Variants in HEPACAM2 observed in about 807,000 individuals in gnomAD.
The protein encoded by HEPACAM2 is HEPACAM family member 2, also known as mitotic kinetics regulator.
A neutral mutation model predicts 49.6 loss-of-function variants in HEPACAM2; 49 were observed. That is an observed-to-expected ratio of 0.99 (90% CI 0.78 to 1.25). The LOEUF (loss-of-function observed/expected upper bound fraction) is 1.25, where lower values mean the gene tolerates loss of function less well. HEPACAM2 is among the 50% of genes most tolerant of loss of function. The pLI, the probability that HEPACAM2 is intolerant of heterozygous loss-of-function variation, is 0.00. For missense variants in HEPACAM2, 525 were observed against 557.2 expected (o/e 0.94, Z 0.58); for synonymous variants, 197 against 202.9 (o/e 0.97, Z 0.25).
intron 4 of HEPACAM2, among the ~76,000 whole-genome samples, chr7:93,199,653 A>G (rs978094828): frequency 3.3e-5 from 5 of 152,108 alleles, no homozygotes; most frequent in Non-Finnish European, 7.4e-5. Flanking sequence ...AGAGAAGTTT[A>G]CATGAAGTTA....
chr7:93,208,657 T>G lies in HEPACAM2; in HGVS notation c.935A>C (p.Asp312Ala). ...ASEKVAQKTMDYVCCAYNNIT... is the reference protein window; with the variant it reads ...ASEKVAQKTMAYVCCAYNNIT... ...GTTGTTGTAAGCACAGCACACATAG[T>G]CCATTGTCTTCTGGGCTACTTTCTC... The change falls in exon 4 of 10, where the codon GAC becomes GCC. Residue 312 changes from aspartate to alanine, a missense_variant. Coordinates refer to ENST00000394468, the MANE Select transcript of HEPACAM2 (RefSeq NM_001039372.4). 1.2e-6 allele frequency: 2 copies of G among 1,613,208 alleles called. No individual in the cohort carries two copies. The highest frequency in any genetic ancestry group is 8.5e-7 in the Non-Finnish European group (1 of 1,179,414).
chr7:93,196,638 C>T (rs6956577), intron 7 of HEPACAM2, among the ~76,000 whole-genome samples: 37,212 of 151,964 alleles, frequency 0.24, 6,850 homozygotes, highest in East Asian at 0.58. Flanking sequence ...GAGGAAGTTG[C>T]GGTTAAGAAA....
intron 1 of HEPACAM2, among the ~76,000 whole-genome samples, chr7:93,224,718 G>A (rs1451135613): frequency 6.6e-6 from 1 of 152,168 alleles, no homozygotes; most frequent in Non-Finnish European, 1.5e-5. Flanking sequence ...GACCTCTGCT[G>A]TAGCTCAAAA....
chr7:93,192,096 CA>C (rs1793563779), intron 9 of HEPACAM2, among the ~76,000 whole-genome samples, 157 bp downstream of exon 9: 1 of 152,058 alleles, frequency 6.6e-6, no homozygotes, highest in Non-Finnish European at 1.5e-5. Context: ...TTTTGTTTCT[CA>C]AAATTATGCT....
intron 3 of HEPACAM2, among the ~76,000 whole-genome samples, chr7:93,213,531 G>A (rs781514155): frequency 2.0e-5 from 3 of 152,036 alleles, no homozygotes; most frequent in Non-Finnish European, 4.4e-5. Flanking sequence ...TGAGAATTTA[G>A]CCTTTTTACA....
In HEPACAM2 at chr7:93,214,533, C is replaced by G. The variant is rs1417348369; in HGVS notation, c.715+868G>C. 1.3e-5 allele frequency among the ~76,000 whole-genome samples: 2 copies of G among 152,118 alleles called. 1 individual carries two copies. The highest frequency in any genetic ancestry group is 4.1e-4 in the South Asian group (2 of 4,832). ...TTAAAATAATGTAAAGAAGAAAGTT[C>G]AGTCTGTCAGCAAAAGATAGATTCT... On this transcript the variant is annotated intron_variant, in intron 3 of 9. Transcript: ENST00000394468.
rs756169046 is a variant in HEPACAM2 at position 93,192,359 on chromosome 7, G to T, written c.1280C>A (p.Pro427Gln). ...FPDVSGVSRI[P>Q]SRSVPASDCV... ...ATCAGAGGCTGGAACAGACCTGCTTGGGATCTAGAAAATGTGATACATTAA... is the reference window on the plus strand; with the variant it reads ...ATCAGAGGCTGGAACAGACCTGCTTTGGATCTAGAAAATGTGATACATTAA... The change falls in exon 9 of 10, where the codon CCA becomes CAA. Residue 427 changes from proline (P) to glutamine (Q), a missense_variant. Physicochemically the swap from Pro to Gln is moderately conservative, Grantham distance 76. Transcript: ENST00000394468. 2.5e-5 allele frequency: 41 copies of T among 1,609,242 alleles called. No homozygotes were observed. The highest frequency in any genetic ancestry group is 3.4e-5 in the Non-Finnish European group (40 of 1,176,702).
chr7:93,223,764 A>T (rs1794492751), intron 1 of HEPACAM2, among the ~76,000 whole-genome samples: 1 of 152,214 alleles, frequency 6.6e-6, no homozygotes, highest in South Asian at 2.1e-4. Flanking sequence ...AGTTATAAGA[A>T]TGTCAGCAGG....
the HEPACAM2 span, among the ~76,000 whole-genome samples, chr7:93,231,911 G>A: frequency 0.042 from 6,327 of 152,136 alleles, 170 homozygotes; most frequent in African/African-American, 0.064. Flanking sequence ...CGCGCCCGGG[G>A]TAGTCTCGAG....
At chr7:93,216,737 A>G (rs931403027) in intron 2 of HEPACAM2, among the ~76,000 whole-genome samples, 2 of 152,184 alleles carry the variant, frequency 1.3e-5, no homozygotes, top group African/African-American at 2.4e-5. Context: ...TGTATTTAAT[A>G]ATCTCCTTCT....
At position 93,192,374 on chromosome 7, in the gene HEPACAM2, T is replaced by G; in HGVS notation, c.1276-11A>C. The G allele has an allele frequency of 6.3e-7, 1 of 1,591,716 alleles. No individual in the cohort carries two copies. Among genetic ancestry groups the G allele is most frequent in the Non-Finnish European group, 8.6e-7 (1 of 1,162,070 alleles). Reference sequence around the variant, plus strand: ...AGACCTGCTTGGGATCTAGAAAATGTGATACATTAAAAATAAATTATCTCA... The same window carrying G: ...AGACCTGCTTGGGATCTAGAAAATGGGATACATTAAAAATAAATTATCTCA... On this transcript the variant is annotated splice_polypyrimidine_tract_variant and intron_variant, in intron 8 of 9. Transcript: ENST00000394468.
rs770059384 is a variant in HEPACAM2 at position 93,192,217 on chromosome 7, C to T, written c.1385+37G>A. ...GGAAAGCAAAAGCTAAATGCTTAGC[C>T]TCTCCATAGCACCATCAAATGCAGA... On this transcript the variant is annotated intron_variant, in intron 9 of 9. Coordinates refer to ENST00000394468, the MANE Select transcript of HEPACAM2 (RefSeq NM_001039372.4). 6.2e-6 allele frequency: 9 copies of T among 1,455,832 alleles called. No homozygotes were observed. The African/African-American group carries it at 1.3e-4, about 20-fold the overall frequency. 90.2% of individuals were successfully genotyped at this position (1,455,832 alleles called of 1,614,324 possible).
chr7:93,190,203 T>G (rs1474626064), intron 9 of HEPACAM2, among the ~76,000 whole-genome samples: 1 of 152,070 alleles, frequency 6.6e-6, no homozygotes, highest in African/African-American at 2.4e-5. Flanking sequence ...AGCATTTCAC[T>G]TATTTATTAA....
At chr7:93,207,536 G>A (rs1420303184) in intron 4 of HEPACAM2, among the ~76,000 whole-genome samples, 4 of 151,684 alleles carry the variant, frequency 2.6e-5, no homozygotes, top group African/African-American at 9.7e-5. Context: ...AAAAGAAGGA[G>A]GAAGGAGAGA....
At chr7:93,230,424 CAAT>C (rs1449898196), upstream of HEPACAM2, among the ~76,000 whole-genome samples, 1 of 152,148 alleles carries the variant, frequency 6.6e-6, no homozygotes, top group Non-Finnish European at 1.5e-5. Flanking sequence ...AAGAAAACAA[CAAT>C]AATAACAGCA....
chr7:93,215,508 G>C lies in HEPACAM2; in HGVS notation c.608C>G (p.Thr203Ser). The C allele has an allele frequency of 6.2e-7, 1 of 1,613,862 alleles. No individual in the cohort carries two copies. The change falls in exon 3 of 10, where the codon ACC (threonine) becomes AGC (serine). Residue 203 changes from threonine (T) to serine (S), a missense_variant. Physicochemically the swap from Thr to Ser is moderately conservative, Grantham distance 58. Coordinates refer to ENST00000394468, the MANE Select transcript of HEPACAM2 (RefSeq NM_001039372.4). ...CTTGGTTACTGGAGCAATATGAAGGGTATTGTTTTGGGGAGAAAAGGAGTA... is the reference window on the plus strand; with the variant it reads ...CTTGGTTACTGGAGCAATATGAAGGCTATTGTTTTGGGGAGAAAAGGAGTA... The part of the protein sequence containing the change: ...STYSFSPQNN[T>S]LHIAPVTKED...
chr7:93,219,598 A>G, intron 1 of HEPACAM2, 147 bp from the exon 2 acceptor site: 2 of 1,401,442 alleles, frequency 1.4e-6, no homozygotes, highest in Non-Finnish European at 9.5e-7. Context: ...CTGGTTACAT[A>G]TAGAGGTAAA....
At chr7:93,192,983 T>A (rs936798272) in intron 8 of HEPACAM2, among the ~76,000 whole-genome samples, 15 of 152,232 alleles carry the variant, frequency 9.9e-5, no homozygotes, top group African/African-American at 3.6e-4. Flanking sequence ...GAAAGTGGTA[T>A]TTGTGTTTTA....
At chr7:93,231,300 TA>T (rs141107444), upstream of HEPACAM2, among the ~76,000 whole-genome samples, 3,318 of 152,228 alleles carry the variant, frequency 0.022, 118 homozygotes, top group African/African-American at 0.074. Flanking sequence ...AAAATAAACT[TA>T]AAAAAATTGG....
Sources: gnomAD v4.1 joint callset for allele counts (sites outside exome capture counted in the v4.1 genomes callset) on GRCh38, gnomAD v4.1.1 for gene constraint, MANE v1.5 for transcripts, NCBI Gene and HGNC (gene_info 2026-07-23, HGNC 2026-07-21) for gene names.